DIAPH1: variants seen among roughly 807,000 people sequenced by gnomAD.
DIAPH1 encodes protein diaphanous homolog 1.
DIAPH1 carries 46 observed loss-of-function variants against 140.7 expected under a neutral mutation model. The ratio of observed to expected loss-of-function variants is 0.33; its 90% CI spans 0.26 to 0.42. The LOEUF (loss-of-function observed/expected upper bound fraction) is 0.42. DIAPH1 is among the 10% of genes least tolerant of loss of function. The pLI is 1.00. For missense variants in DIAPH1, 1,310 were observed against 1,558.7 expected, an observed-to-expected ratio of 0.84 and a Z score of 2.69; for synonymous variants, 565 against 551.6, an observed-to-expected ratio of 1.02 and a Z score of -0.34.
At chr5:141,582,157 G>A in intron 7 of DIAPH1, 155 bp downstream of exon 7, 1 of 592,772 alleles carries the variant, frequency 1.7e-6, no homozygotes, top group South Asian at 1.8e-5. Flanking sequence ...ATCCACAGAA[G>A]CATGTATATG....
intron 16 of DIAPH1, among the ~76,000 whole-genome samples, 163 bp from the exon 17 acceptor site, chr5:141,572,203 GAGAATACTTCCA>G (rs1404392967): frequency 2.0e-5 from 3 of 152,200 alleles, no homozygotes; most frequent in African/African-American, 7.2e-5. Context: ...GGGATTAGGA[GAGAATACTTCCA>G]GTTCATCTGT....
chr5:141,552,500 G>C (rs1227341746), intron 18 of DIAPH1, among the ~76,000 whole-genome samples: 1 of 152,146 alleles, frequency 6.6e-6, no homozygotes, highest in East Asian at 1.9e-4. Context: ...AAGGAATCTG[G>C]GCAGGCATTA....
At chr5:141,610,198 T>C (rs2099901593) in intron 1 of DIAPH1, among the ~76,000 whole-genome samples, 1 of 152,112 alleles carries the variant, frequency 6.6e-6, no homozygotes, top group South Asian at 2.1e-4. Flanking sequence ...TGACATGATG[T>C]ATGGCTCACT....
intron 18 of DIAPH1, among the ~76,000 whole-genome samples, chr5:141,539,472 A>G (rs1434805665): frequency 1.5e-5 from 2 of 134,674 alleles, no homozygotes; most frequent in East Asian, 2.1e-4. Flanking sequence ...GGGTTTCACC[A>G]TGTTGGCCAG....
At chr5:141,614,189 T>A (rs2099902281) in intron 1 of DIAPH1, among the ~76,000 whole-genome samples, 1 of 152,170 alleles carries the variant, frequency 6.6e-6, no homozygotes, top group Non-Finnish European at 1.5e-5. Context: ...ATAAATAATT[T>A]CAGCTACTGG....
intron 19 of DIAPH1, 53 bp from the exon 20 acceptor site, chr5:141,529,750 C>T (rs2099887917): frequency 3.4e-6 from 5 of 1,484,486 alleles, no homozygotes; most frequent in Non-Finnish European, 3.8e-6. Flanking sequence ...TTCCCGCTTC[C>T]AACCCATCCT....
chr5:141,549,868 C>A (rs1249227774), intron 18 of DIAPH1, among the ~76,000 whole-genome samples: 1 of 151,986 alleles, frequency 6.6e-6, no homozygotes, highest in Non-Finnish European at 1.5e-5. Flanking sequence ...TAGATTTAAA[C>A]CTCAATATTT....
chr5:141,540,887 C>T (rs1187915492), intron 18 of DIAPH1, among the ~76,000 whole-genome samples: 1 of 151,796 alleles, frequency 6.6e-6, no homozygotes, highest in Non-Finnish European at 1.5e-5. Flanking sequence ...AGGTGAAACC[C>T]CATCTCTACT....
chr5:141,577,413 A>C (rs1296948098), intron 12 of DIAPH1, 62 bp downstream of exon 12: 3 of 1,147,338 alleles, frequency 2.6e-6, no homozygotes, highest in African/African-American at 3.0e-5. Context: ...CTTTGAATTT[A>C]AGGAATTCAC....
chr5:141,538,774 G>A (rs114415312), intron 18 of DIAPH1, among the ~76,000 whole-genome samples: 6 of 152,002 alleles, frequency 3.9e-5, no homozygotes, highest in Admixed American at 2.0e-4. Flanking sequence ...ACACAGTTTC[G>A]CCACTTTGCC....
intron 1 of DIAPH1, among the ~76,000 whole-genome samples, chr5:141,604,321 T>G (rs1286084232): frequency 6.6e-6 from 1 of 152,194 alleles, no homozygotes; most frequent in African/African-American, 2.4e-5. Flanking sequence ...TTTTCCAAAA[T>G]TTCAACATAT....
intron 18 of DIAPH1, among the ~76,000 whole-genome samples, chr5:141,548,453 G>A (rs911610457): frequency 9.2e-5 from 14 of 152,090 alleles, no homozygotes; most frequent in Admixed American, 2.0e-4. Context: ...TAGACAGGAA[G>A]CAAAAACACT....
intron 1 of DIAPH1, among the ~76,000 whole-genome samples, chr5:141,594,989 C>T (rs562102512): frequency 2.0e-4 from 30 of 149,232 alleles, no homozygotes; most frequent in Admixed American, 1.7e-3. Flanking sequence ...TGCTGTGAGC[C>T]GAGATCACGC....
intron 23 of DIAPH1, 143 bp downstream of exon 23, chr5:141,528,310 G>A (rs1162117670): frequency 8.6e-7 from 1 of 1,160,156 alleles, no homozygotes; most frequent in Non-Finnish European, 1.3e-6. Context: ...CTCTGCCCTT[G>A]TGACTTAGGC....
At chr5:141,596,058 G>C (rs929672013) in intron 1 of DIAPH1, among the ~76,000 whole-genome samples, 5 of 152,132 alleles carry the variant, frequency 3.3e-5, no homozygotes, top group Admixed American at 6.5e-5. Flanking sequence ...GGCCAGCCGC[G>C]GTGGCTCACG....
At chr5:141,591,876 G>C (rs553210058) in intron 1 of DIAPH1, among the ~76,000 whole-genome samples, 2 of 150,182 alleles carry the variant, frequency 1.3e-5, no homozygotes, top group African/African-American at 4.9e-5. Context: ...GAGATCAGGA[G>C]TTTGAGACCA....
intron 18 of DIAPH1, chr5:141,560,967 C>A: frequency 2.2e-6 from 1 of 454,042 alleles, no homozygotes; most frequent in Non-Finnish European, 4.4e-6. Context: ...ATGGGAGGAC[C>A]GCCATCTCTG....
At chr5:141,545,766 T>C (rs2099890703) in intron 18 of DIAPH1, among the ~76,000 whole-genome samples, 1 of 152,192 alleles carries the variant, frequency 6.6e-6, no homozygotes, top group South Asian at 2.1e-4. Context: ...CATATATTAA[T>C]AGTTTCTGTT....
At chr5:141,592,464 T>G (rs2154596867) in intron 1 of DIAPH1, among the ~76,000 whole-genome samples, 1 of 150,596 alleles carries the variant, frequency 6.6e-6, no homozygotes, top group Admixed American at 6.6e-5. Context: ...AAATATAGAA[T>G]AAGTTCCTAG....
Sources: gnomAD v4.1 joint callset for allele counts (sites outside exome capture counted in the v4.1 genomes callset) on GRCh38, gnomAD v4.1.1 for gene constraint, MANE v1.5 for transcripts, NCBI Gene and HGNC (gene_info 2026-07-23, HGNC 2026-07-21) for gene names.